The following CSMD3 variants were observed in gnomAD, a reference collection of about 807,000 sequenced individuals.
The protein encoded by CSMD3 is CUB and sushi domain-containing protein 3.
A neutral mutation model predicts 435.2 loss-of-function variants in CSMD3; 177 were observed. The ratio of observed to expected loss-of-function variants is 0.41; its 90% CI spans 0.36 to 0.46. CSMD3 has a LOEUF of 0.46. CSMD3 is among the 20% of genes least tolerant of loss of function. The probability of loss-of-function intolerance (pLI) is 0.34; values close to 1 mark genes in which losing one functional copy is unlikely to be tolerated. For synonymous variants in CSMD3, 1,656 were observed against 1,520.5 expected, an observed-to-expected ratio of 1.09 and a Z score of -2.07; for missense variants, 4,265 against 4,504.6, an observed-to-expected ratio of 0.95 and a Z score of 1.52.
intron 28 of CSMD3, among the ~76,000 whole-genome samples, chr8:112,508,908 G>T (rs1822810181): frequency 6.6e-6 from 1 of 152,020 alleles, no homozygotes; most frequent in Non-Finnish European, 1.5e-5. Flanking sequence ...TGACTAACAA[G>T]TCCAACAAAG....
chr8:112,977,136 G>C (rs888546713), intron 6 of CSMD3, among the ~76,000 whole-genome samples: 1 of 151,904 alleles, frequency 6.6e-6, no homozygotes, highest in Non-Finnish European at 1.5e-5. Flanking sequence ...AATGAAAAAA[G>C]TAACTTTATA....
intron 23 of CSMD3, among the ~76,000 whole-genome samples, chr8:112,582,056 A>C (rs899037027): frequency 6.6e-6 from 1 of 152,044 alleles, no homozygotes; most frequent in African/African-American, 2.4e-5. Context: ...ATGTGATTCC[A>C]CTGTTGGAAT....
chr8:112,707,338 CTTTAAAAGTAAT>C (rs1247265295), intron 13 of CSMD3, among the ~76,000 whole-genome samples: 3 of 151,940 alleles, frequency 2.0e-5, no homozygotes, highest in African/African-American at 7.2e-5. Flanking sequence ...ATGCCTTTTG[CTTTAAAAGTAAT>C]CATGTTGATA....
intron 45 of CSMD3, among the ~76,000 whole-genome samples, chr8:112,327,624 T>C (rs1823627795): frequency 6.6e-6 from 1 of 152,198 alleles, no homozygotes; most frequent in Admixed American, 6.6e-5. Flanking sequence ...TGGAACTAAG[T>C]ATGTGTTCTT....
chr8:112,741,837 G>A (rs890612300), intron 13 of CSMD3, among the ~76,000 whole-genome samples: 1 of 124,244 alleles, frequency 8.0e-6, no homozygotes, highest in Non-Finnish European at 1.7e-5. Context: ...AACACAAAAA[G>A]TTGATCCTAA....
chr8:112,340,774 C>T (rs1018301257), intron 42 of CSMD3, among the ~76,000 whole-genome samples: 1 of 151,844 alleles, frequency 6.6e-6, no homozygotes, highest in Non-Finnish European at 1.5e-5. Context: ...TGGAATACAC[C>T]TTACATACAT....
intron 13 of CSMD3, among the ~76,000 whole-genome samples, chr8:112,703,297 A>C (rs2076430485): frequency 6.6e-6 from 1 of 152,136 alleles, no homozygotes; most frequent in South Asian, 2.1e-4. Flanking sequence ...AATCAGAAGC[A>C]GGGGAAGAGG....
At chr8:112,283,229 G>A (rs1001780247) in intron 58 of CSMD3, among the ~76,000 whole-genome samples, 40 of 151,938 alleles carry the variant, frequency 2.6e-4, no homozygotes, top group Non-Finnish European at 1.9e-4. Context: ...TAGGAAATAA[G>A]CTGAAACATA....
At position 112,287,211 on chromosome 8, in the gene CSMD3, G is replaced by C. The variant is rs373608234; in HGVS notation, c.9184C>G (p.Pro3062Ala). ...CTTTCCTGTCTAGAGCCATGGCCGG[G>C]AGTACCTGGATCGCCACATGTCCCA... ...ATGTCGDPGT[P>A]GHGSRQESNF... The change falls in exon 58 of 71, where the codon CCC becomes GCC. Residue 3062 changes from proline to alanine, a missense_variant. Pro to Ala is a conservative substitution (Grantham distance 27, BLOSUM62 -1). Coordinates refer to ENST00000297405, the MANE Select transcript of CSMD3 (RefSeq NM_198123.2). 1.2e-6 allele frequency: 2 copies of C among 1,613,630 alleles called. No individual in the cohort carries two copies. Among genetic ancestry groups the C allele is most frequent in the East Asian group, 2.2e-5 (1 of 44,860 alleles).
At position 112,413,540 on chromosome 8, in the gene CSMD3, C is replaced by T. The variant is rs1406085025; in HGVS notation, c.5396-4508G>A. On this transcript the variant is annotated intron_variant, in intron 32 of 70. Transcript: ENST00000297405. ...AAGATGGCATAAAGAAACTCTTGAGCATTAGCATAGATAACTGGCAGAATT... is the reference window on the plus strand; with the variant it reads ...AAGATGGCATAAAGAAACTCTTGAGTATTAGCATAGATAACTGGCAGAATT... Among the ~76,000 whole-genome samples, 5 of 152,118 alleles carry T rather than the reference C, an allele frequency of 3.3e-5. No homozygotes were observed. The South Asian group carries it at 8.3e-4, about 25-fold the overall frequency.
intron 11 of CSMD3, among the ~76,000 whole-genome samples, chr8:112,832,615 C>G (rs566373897): frequency 2.0e-5 from 3 of 152,070 alleles, no homozygotes; most frequent in African/African-American, 7.2e-5. Flanking sequence ...GGCCTAAGTC[C>G]TACAACCACA....
chr8:112,685,821 A>C (rs2075998306), intron 14 of CSMD3, 89 bp from the exon 15 acceptor site: 1 of 827,096 alleles, frequency 1.2e-6, no homozygotes, highest in African/African-American at 1.7e-5. Flanking sequence ...TATGATAATC[A>C]ATTAGCAGTA....
At chr8:112,281,640 G>A (rs1454576199) in intron 58 of CSMD3, among the ~76,000 whole-genome samples, 11 of 151,894 alleles carry the variant, frequency 7.2e-5, no homozygotes, top group Non-Finnish European at 1.6e-4. Flanking sequence ...TTGGCTTCAG[G>A]TACCACAAAA....
intron 1 of CSMD3, among the ~76,000 whole-genome samples, chr8:113,407,273 C>T (rs951089335): frequency 6.6e-6 from 1 of 152,076 alleles, no homozygotes; most frequent in African/African-American, 2.4e-5. Flanking sequence ...CTTTTGCTCA[C>T]TATGTAAAAC....
chr8:113,201,194 C>T (rs1025699147), intron 3 of CSMD3, among the ~76,000 whole-genome samples: 1 of 152,098 alleles, frequency 6.6e-6, no homozygotes, highest in Middle Eastern at 3.4e-3. Context: ...AACAATTCCT[C>T]ATTTCAAAGC....
intron 13 of CSMD3, among the ~76,000 whole-genome samples, chr8:112,696,605 C>T (rs1227039059): frequency 6.6e-6 from 1 of 152,108 alleles, no homozygotes; most frequent in Non-Finnish European, 1.5e-5. Context: ...AATGTTAGAC[C>T]TAAAAACATA....
chr8:112,959,687 TAAAC>T (rs2084158670), intron 7 of CSMD3, among the ~76,000 whole-genome samples: 2 of 151,962 alleles, frequency 1.3e-5, no homozygotes, highest in Admixed American at 1.3e-4. Context: ...AGTAAACTAA[TAAAC>T]TATACTACTA....
rs116587839 is a variant in CSMD3 at position 113,252,544 on chromosome 8, T to A, written c.514+26048A>T. On this transcript the variant is annotated intron_variant, in intron 3 of 70. Coordinates refer to ENST00000297405, the MANE Select transcript of CSMD3 (RefSeq NM_198123.2). ...TGATACAGATAGGATACTCTGCAAC[T>A]AACTCAGACTCCATAGAGCAAAGTG... Among the ~76,000 whole-genome samples, 726 of 152,262 alleles carry A rather than the reference T, an allele frequency of 4.8e-3. 7 individuals are homozygous for A. Among genetic ancestry groups the A allele is most frequent in the African/African-American group, 0.016 (677 of 41,566 alleles).
chr8:113,222,121 A>T (rs1288103346), intron 3 of CSMD3, among the ~76,000 whole-genome samples: 1 of 151,346 alleles, frequency 6.6e-6, no homozygotes, highest in African/African-American at 2.4e-5. Context: ...GTTCCTAAAG[A>T]TTTTTAAACA....
Sources: gnomAD v4.1 joint callset for allele counts (sites outside exome capture counted in the v4.1 genomes callset) on GRCh38, gnomAD v4.1.1 for gene constraint, MANE v1.5 for transcripts, NCBI Gene and HGNC (gene_info 2026-07-23, HGNC 2026-07-21) for gene names.